CCDC38: variants seen among roughly 807,000 people sequenced by gnomAD.
CCDC38 encodes the protein coiled-coil domain containing 38.
In CCDC38, 69 loss-of-function variants were observed where a neutral mutation model predicts 72.8. The ratio of observed to expected loss-of-function variants is 0.95; its 90% CI spans 0.78 to 1.16. CCDC38 has a LOEUF of 1.16. Among genes scored for constraint, CCDC38 ranks in the 50% most tolerant of loss-of-function variants. CCDC38 has a pLI of 0.00. For synonymous variants in CCDC38, 201 were observed against 213.2 expected (o/e 0.94, Z 0.50); for missense variants, 626 against 638.9 (o/e 0.98, Z 0.22).
chr12:95,918,377 T>C (rs2080168754), intron 3 of CCDC38, among the ~76,000 whole-genome samples: 1 of 152,174 alleles, frequency 6.6e-6, no homozygotes, highest in African/African-American at 2.4e-5. Flanking sequence ...TCCTTTTATC[T>C]CCTCACCACT....
rs1400830544 is a variant in CCDC38, at chr12:95,925,818, G to C, written c.38-6842C>G. ...GATAATCATGTGGTTTTTGTCTTTG[G>C]TTCTGTTTATATGCTGGATTACATT... On this transcript the variant is annotated intron_variant, in intron 2 of 15. Transcript: ENST00000344280. Among the ~76,000 whole-genome samples the C allele has an allele frequency of 2.7e-5, 4 of 150,460 alleles. No individual in the cohort carries two copies. The Admixed American group carries it at 2.7e-4, about 10-fold the overall frequency.
intron 2 of CCDC38, among the ~76,000 whole-genome samples, chr12:95,928,876 C>T (rs373993054): frequency 6.6e-5 from 10 of 152,306 alleles, no homozygotes; most frequent in East Asian, 3.9e-4. Context: ...GGGACCCACT[C>T]GAGGAGGCAG....
intron 10 of CCDC38, among the ~76,000 whole-genome samples, chr12:95,884,865 AAT>A (rs528341570): frequency 1.1e-3 from 174 of 152,290 alleles, no homozygotes; most frequent in African/African-American, 4.0e-3. Flanking sequence ...GTGTAATAAA[AAT>A]ATATATATTT....
chr12:95,876,560 G>T (rs2079637701), intron 13 of CCDC38, among the ~76,000 whole-genome samples: 2 of 152,096 alleles, frequency 1.3e-5, no homozygotes, highest in Non-Finnish European at 2.9e-5. Flanking sequence ...TATGTATATT[G>T]TACCACAGTT....
intron 14 of CCDC38, chr12:95,869,821 A>AT (rs56007426): frequency 0.011 from 3,097 of 277,564 alleles, 1 homozygote; most frequent in East Asian, 0.03. Context: ...ATCTTGGTCT[A>AT]TTTTTTTTTT....
intron 10 of CCDC38, among the ~76,000 whole-genome samples, chr12:95,886,035 C>T (rs1026659413): frequency 6.7e-6 from 1 of 150,360 alleles, no homozygotes; most frequent in African/African-American, 2.5e-5. Context: ...CAAGGCCATA[C>T]ATAATAAAGC....
chr12:95,885,251 G>A (rs763150168), intron 10 of CCDC38: 3 of 153,164 alleles, frequency 2.0e-5, no homozygotes, highest in Non-Finnish European at 4.4e-5. Context: ...CCAGTCCTAA[G>A]ACACAGATCT....
intron 4 of CCDC38, 51 bp downstream of exon 4, chr12:95,917,078 A>C (rs772589606): frequency 6.8e-7 from 1 of 1,470,340 alleles, no homozygotes; most frequent in Non-Finnish European, 9.1e-7. Context: ...CAAACCTGAC[A>C]TTAATAGTAA....
intron 1 of CCDC38, among the ~76,000 whole-genome samples, chr12:95,939,330 C>T (rs2080425671): frequency 6.6e-6 from 1 of 152,122 alleles, no homozygotes; most frequent in African/African-American, 2.4e-5. Flanking sequence ...TCACGAGGGC[C>T]CTGGAGGCCA....
rs962885700 is a variant in CCDC38 at position 95,900,424 on chromosome 12, G to C, written c.370-1693C>G. Among the ~76,000 whole-genome samples, 4 of 152,260 alleles carry C rather than the reference G, an allele frequency of 2.6e-5. No individual in the cohort carries two copies. The East Asian group carries it at 7.7e-4, about 29-fold the overall frequency. On this transcript the variant is annotated intron_variant, in intron 5 of 15. Coordinates refer to ENST00000344280, the MANE Select transcript of CCDC38 (RefSeq NM_182496.3). ...ATTCAGACGAAAACGGATTTCAGTTGAGTCTCCAAACAATATGTTGACATA... is the reference window on the plus strand; with the variant it reads ...ATTCAGACGAAAACGGATTTCAGTTCAGTCTCCAAACAATATGTTGACATA...
chr12:95,918,955 G>A lies in CCDC38; in HGVS notation c.59C>T (p.Thr20Ile). 2 of 1,608,724 alleles carry A rather than the reference G, an allele frequency of 1.2e-6. No homozygotes were observed. Among genetic ancestry groups the A allele is most frequent in the Non-Finnish European group, 1.7e-6 (2 of 1,175,650 alleles). ...NSGGKVKDGS[T>I]KEDRPYKIFF... ...GATCTTATAAGGCCTGTCCTCTTTG[G>A]TTGAGCCATCTTTTACTTTACCTGT... The change falls in exon 3 of 16, where the codon ACC (threonine) becomes ATC (isoleucine). Residue 20 changes from threonine (T) to isoleucine (I), a missense_variant. By Grantham distance (89) the Thr-to-Ile change is moderately conservative (BLOSUM62 -1). Coordinates refer to ENST00000344280, the MANE Select transcript of CCDC38 (RefSeq NM_182496.3).
chr12:95,911,670 G>A (rs959209022), intron 4 of CCDC38, among the ~76,000 whole-genome samples: 6 of 152,150 alleles, frequency 3.9e-5, no homozygotes, highest in East Asian at 1.9e-4. Flanking sequence ...ATGAGATGCC[G>A]TCTCACACCA....
At chr12:95,907,683 A>T (rs1351289648) in intron 4 of CCDC38, among the ~76,000 whole-genome samples, 1 of 141,620 alleles carries the variant, frequency 7.1e-6, no homozygotes, top group Non-Finnish European at 1.5e-5. Context: ...CACTTCTCAG[A>T]CGGGGCGGCT....
At chr12:95,906,024 C>A (rs1490763865) in intron 5 of CCDC38, among the ~76,000 whole-genome samples, 1 of 152,134 alleles carries the variant, frequency 6.6e-6, no homozygotes, top group Non-Finnish European at 1.5e-5. Flanking sequence ...GGAGAAGCTG[C>A]ATTAAATAGG....
In CCDC38 at chr12:95,878,232, T is replaced by A; in HGVS notation, c.1257A>T (p.Gly419=). 1 of 1,613,478 alleles carries A rather than the reference T, an allele frequency of 6.2e-7. No individual in the cohort carries two copies. ...LQLKSKLFSF[G]EFNSDAQEIL... is the part of the protein sequence containing the mutation. ...TTACCTGAGCATCTGAATTAAATTC[T>A]CCAAAGCTAAAGAGCTTGGACTTTA... Residue 419 remains glycine (G), a synonymous_variant, in exon 13 of 16, where the codon GGA becomes GGT. Transcript: ENST00000344280.
chr12:95,888,353 C>G, intron 10 of CCDC38, 105 bp downstream of exon 10: 1 of 995,418 alleles, frequency 1.0e-6, no homozygotes. Context: ...GGATCTCTTA[C>G]AACAGTTATG....
rs759863705 is a variant in CCDC38, at chr12:95,890,950, A to G, written c.773-20T>C. On this transcript the variant is annotated intron_variant, in intron 8 of 15. Coordinates refer to ENST00000344280, the MANE Select transcript of CCDC38 (RefSeq NM_182496.3). ...ATAATTCTAGAAATGGCAAATGAAG[A>G]GGAGAGAGACAGAGAAAGATGGGGG... 56 of 1,379,618 alleles carry G rather than the reference A, an allele frequency of 4.1e-5. No individual in the cohort carries two copies. The highest frequency in any genetic ancestry group is 5.6e-5 in the Non-Finnish European group (55 of 976,726). The allele number at this position is 1,379,618 out of a possible 1,614,324, so 85.5% of individuals were successfully genotyped here.
intron 1 of CCDC38, among the ~76,000 whole-genome samples, chr12:95,937,249 C>G (rs2080404233): frequency 6.6e-6 from 1 of 152,194 alleles, no homozygotes; most frequent in Non-Finnish European, 1.5e-5. Context: ...GCCAGTGCCT[C>G]ACTCTACTCA....
chr12:95,919,116 G>A lies in CCDC38; in HGVS notation c.38-140C>T, dbSNP rs562456078. 3 of 604,980 alleles carry A rather than the reference G, an allele frequency of 5.0e-6. No homozygotes were observed. In the South Asian group the frequency reaches 6.2e-5, roughly 12 times the overall value. The allele number at this position is 604,980 out of a possible 1,614,324, so 37.5% of individuals were successfully genotyped here. On this transcript the variant is annotated intron_variant, in intron 2 of 15. Transcript: ENST00000344280. The stretch of plus-strand genomic sequence containing the variant: ...AGGTAGTGTTAAAAGAAAAACTTTG[G>A]CCGAATTAAATTTAAAGGAGTTTAA...
Sources: gnomAD v4.1 joint callset for allele counts (sites outside exome capture counted in the v4.1 genomes callset) on GRCh38, gnomAD v4.1.1 for gene constraint, MANE v1.5 for transcripts, NCBI Gene and HGNC (gene_info 2026-07-23, HGNC 2026-07-21) for gene names.